COL19A1: variants seen among roughly 807,000 people sequenced by gnomAD.
COL19A1 encodes the protein collagen alpha-1(XIX) chain.
A neutral mutation model predicts 190.2 loss-of-function variants in COL19A1; 159 were observed. The ratio of observed to expected loss-of-function variants is 0.84; its 90% CI spans 0.73 to 0.95. The LOEUF is 0.95. Among genes scored for constraint, COL19A1 ranks in the 40% least tolerant of loss-of-function variants. COL19A1 has a pLI of 0.00. For synonymous variants in COL19A1, 509 were observed against 458.9 expected (o/e 1.11, Z -1.39); for missense variants, 1,418 against 1,431.9 (o/e 0.99, Z 0.16).
intron 9 of COL19A1, among the ~76,000 whole-genome samples, chr6:69,939,393 C>T (rs907136845): frequency 6.6e-6 from 1 of 152,038 alleles, no homozygotes; most frequent in Non-Finnish European, 1.5e-5. Flanking sequence ...CTTACACTCA[C>T]TCTTCATGTT....
At chr6:69,957,011 A>G (rs1942186655) in intron 9 of COL19A1, among the ~76,000 whole-genome samples, 1 of 151,926 alleles carries the variant, frequency 6.6e-6, no homozygotes, top group African/African-American at 2.4e-5. Flanking sequence ...AATGCTGGTT[A>G]TTTGCAATTT....
chr6:70,059,694 T>C, intron 14 of COL19A1: 1 of 407,332 alleles, frequency 2.5e-6, no homozygotes, highest in Non-Finnish European at 5.0e-6. Flanking sequence ...ATATTTTTAA[T>C]GTCCAGAATT....
At chr6:70,171,582 A>C (rs1381256899) in intron 40 of COL19A1, among the ~76,000 whole-genome samples, 1 of 152,180 alleles carries the variant, frequency 6.6e-6, no homozygotes, top group African/African-American at 2.4e-5. Flanking sequence ...TAAACAGTTT[A>C]TTCTTATTCT....
intron 11 of COL19A1, among the ~76,000 whole-genome samples, chr6:70,018,987 T>C (rs896069633): frequency 6.6e-6 from 1 of 152,006 alleles, no homozygotes; most frequent in African/African-American, 2.4e-5. Context: ...TGAAAAGTAA[T>C]GGGGAGGATT....
At chr6:70,175,844 C>T (rs867339719) in intron 41 of COL19A1, among the ~76,000 whole-genome samples, 4 of 152,132 alleles carry the variant, frequency 2.6e-5, no homozygotes, top group South Asian at 2.1e-4. Flanking sequence ...GAGCATATCT[C>T]GTCATTCATT....
At chr6:69,917,501 A>G (rs917087775) in intron 4 of COL19A1, among the ~76,000 whole-genome samples, 1 of 152,220 alleles carries the variant, frequency 6.6e-6, no homozygotes, top group African/African-American at 2.4e-5. Flanking sequence ...ATTTACAGCC[A>G]CAAGTCTTAC....
At chr6:69,994,210 GT>G (rs1209081289) in intron 11 of COL19A1, among the ~76,000 whole-genome samples, 7 of 152,086 alleles carry the variant, frequency 4.6e-5, no homozygotes, top group Non-Finnish European at 1.0e-4. Flanking sequence ...ATGAAGTCAA[GT>G]TTATTAATAA....
At chr6:70,196,905 A>T (rs1767233550) in intron 48 of COL19A1, among the ~76,000 whole-genome samples, 1 of 152,202 alleles carries the variant, frequency 6.6e-6, no homozygotes, top group Admixed American at 6.5e-5. Context: ...GGTAGGGTTC[A>T]GAAGAGGTAA....
At chr6:70,066,461 G>T (rs1279790943) in intron 14 of COL19A1, among the ~76,000 whole-genome samples, 2 of 151,874 alleles carry the variant, frequency 1.3e-5, no homozygotes, top group Non-Finnish European at 2.9e-5. Context: ...GGTGGGGGGA[G>T]TGGGGAGGGA....
At chr6:69,921,459 A>ATCATATATCATATAT (rs1561998438) in intron 4 of COL19A1, among the ~76,000 whole-genome samples, 2 of 21,270 alleles carry the variant, frequency 9.4e-5, no homozygotes, top group Non-Finnish European at 2.0e-4. Context: ...TATCATATAT[A>ATCATATATCATATAT]TCATATATAT....
intron 9 of COL19A1, among the ~76,000 whole-genome samples, chr6:69,956,164 T>A (rs917588985): frequency 6.6e-6 from 1 of 151,994 alleles, no homozygotes; most frequent in Non-Finnish European, 1.5e-5. Context: ...GAGTAGATGT[T>A]GTTAGCTACC....
chr6:70,072,006 A>C (rs1781588389), intron 15 of COL19A1, among the ~76,000 whole-genome samples: 1 of 152,144 alleles, frequency 6.6e-6, no homozygotes, highest in Non-Finnish European at 1.5e-5. Flanking sequence ...TAAGGAAATT[A>C]GGGCATGAGT....
chr6:69,892,537 T>C (rs1009870748), intron 2 of COL19A1, among the ~76,000 whole-genome samples: 1 of 152,230 alleles, frequency 6.6e-6, no homozygotes, highest in African/African-American at 2.4e-5. Flanking sequence ...GTATAATTAT[T>C]TTTACATAGG....
chr6:70,149,763 A>T (rs1441714261), intron 28 of COL19A1, 24 bp downstream of exon 28: 1 of 1,613,530 alleles, frequency 6.2e-7, no homozygotes, highest in African/African-American at 1.3e-5. Context: ...CTAATTTTTT[A>T]GCACAGCAAA....
At chr6:70,085,786 A>T (rs1025170563) in intron 15 of COL19A1, among the ~76,000 whole-genome samples, 3 of 152,148 alleles carry the variant, frequency 2.0e-5, no homozygotes, top group African/African-American at 7.2e-5. Flanking sequence ...TACCTGGATC[A>T]CTAGACCCAA....
Position 70,199,640 on chromosome 6 carries a change from C to A in COL19A1, c.3127C>A (p.Leu1043Met), listed in dbSNP as rs755149702. ...RMAVFLSQLKLPAAMLAAQAY... is the reference protein window; with the variant it reads ...RMAVFLSQLKMPAAMLAAQAY... ...GGCTGTATTCCTATCCCAGCTCAAG[C>A]TGCCAGCAGCAATGTTGGCTGCCCA... The change falls in exon 49 of 51, where the codon CTG (leucine) becomes ATG (methionine). Residue 1043 changes from leucine to methionine, a missense_variant. Coordinates refer to ENST00000620364, the MANE Select transcript of COL19A1 (RefSeq NM_001858.6). 1.9e-6 allele frequency: 3 copies of A among 1,605,224 alleles called. No individual in the cohort carries two copies. The highest frequency in any genetic ancestry group is 2.6e-6 in the Non-Finnish European group (3 of 1,174,710).
At chr6:70,071,618 A>C (rs938397685) in intron 15 of COL19A1, among the ~76,000 whole-genome samples, 1 of 152,086 alleles carries the variant, frequency 6.6e-6, no homozygotes, top group African/African-American at 2.4e-5. Flanking sequence ...TATTTGGTTG[A>C]CATATTTTTT....
At chr6:70,167,295 G>A (rs1053863227) in intron 37 of COL19A1, among the ~76,000 whole-genome samples, 22 of 152,158 alleles carry the variant, frequency 1.4e-4, no homozygotes, top group Admixed American at 1.3e-3. Context: ...GGAAAAGGCA[G>A]ATTTGACTAT....
chr6:69,905,443 T>C (rs1713813970), intron 4 of COL19A1, among the ~76,000 whole-genome samples: 1 of 152,164 alleles, frequency 6.6e-6, no homozygotes, highest in South Asian at 2.1e-4. Flanking sequence ...TTTCTCTCTC[T>C]GGGCATGAGT....
Sources: allele counts gnomAD v4.1 joint callset (sites outside exome capture counted in the v4.1 genomes callset), GRCh38; gene constraint gnomAD v4.1.1; transcripts MANE v1.5; gene names NCBI Gene and HGNC (gene_info 2026-07-23, HGNC 2026-07-21).